SLC35F4: variants seen among roughly 807,000 people sequenced by gnomAD.
The protein encoded by SLC35F4 is chromosome 14 open reading frame 36.
Under a neutral mutation model 44.2 loss-of-function variants are expected in SLC35F4, and 24 were observed. That is an observed-to-expected ratio of 0.54 (90% CI 0.39 to 0.76). The LOEUF (loss-of-function observed/expected upper bound fraction) is 0.76, where lower values mean the gene tolerates loss of function less well. Ranked by LOEUF, SLC35F4 falls within the 30% of genes least tolerant of loss-of-function variation. The pLI, the probability that SLC35F4 is intolerant of heterozygous loss-of-function variation, is 0.00. For synonymous variants in SLC35F4, 238 were observed against 223.6 expected, an observed-to-expected ratio of 1.06 and a Z score of -0.57; for missense variants, 562 against 586.1, an observed-to-expected ratio of 0.96 and a Z score of 0.42.
chr14:57,682,755 G>C (rs1213084022), intron 1 of SLC35F4, among the ~76,000 whole-genome samples: 1 of 152,112 alleles, frequency 6.6e-6, no homozygotes, highest in Non-Finnish European at 1.5e-5. Context: ...GACTGTATGA[G>C]TCTGAATCCT....
chr14:57,915,326 G>A (rs1322743014), intron 1 of SLC35F4, among the ~76,000 whole-genome samples: 2 of 152,148 alleles, frequency 1.3e-5, no homozygotes, highest in Non-Finnish European at 2.9e-5. Flanking sequence ...CTGATGAAGA[G>A]CACCTGGCTA....
At chr14:57,784,354 A>G (rs2077704247) in intron 1 of SLC35F4, among the ~76,000 whole-genome samples, 3 of 152,202 alleles carry the variant, frequency 2.0e-5, no homozygotes, top group Admixed American at 6.5e-5. Flanking sequence ...CACTGAAACT[A>G]AATTAGATGG....
chr14:57,600,458 C>G (rs1404993468), intron 1 of SLC35F4, among the ~76,000 whole-genome samples: 1 of 151,046 alleles, frequency 6.6e-6, no homozygotes, highest in Non-Finnish European at 1.5e-5. Context: ...TTTGGGAGGC[C>G]AAGGTGGGCG....
At chr14:57,660,466 T>C (rs1315115145) in intron 1 of SLC35F4, among the ~76,000 whole-genome samples, 1 of 150,218 alleles carries the variant, frequency 6.7e-6, no homozygotes, top group Non-Finnish European at 1.5e-5. Context: ...CTGTGATCAC[T>C]AGCCACCAAG....
chr14:57,871,122 G>A (rs528155099), intron 1 of SLC35F4, among the ~76,000 whole-genome samples: 1 of 152,342 alleles, frequency 6.6e-6, no homozygotes, highest in African/African-American at 2.4e-5. Flanking sequence ...TGGGAGGCAG[G>A]CCCATTAGCC....
chr14:57,930,685 T>C (rs1416705661), intron 1 of SLC35F4, among the ~76,000 whole-genome samples: 1 of 152,220 alleles, frequency 6.6e-6, no homozygotes, highest in Non-Finnish European at 1.5e-5. Flanking sequence ...TCTGTATGTG[T>C]TGCCTCTCTC....
At chr14:57,734,322 T>C (rs1000656699) in intron 1 of SLC35F4, among the ~76,000 whole-genome samples, 1 of 152,206 alleles carries the variant, frequency 6.6e-6, no homozygotes. Context: ...TAACATAAAA[T>C]GTCTAGCAAT....
At chr14:57,615,635 C>T (rs1398919284) in intron 1 of SLC35F4, among the ~76,000 whole-genome samples, 1 of 150,594 alleles carries the variant, frequency 6.6e-6, no homozygotes, top group Admixed American at 6.6e-5. Context: ...AAAAATACTG[C>T]TCATAATCTT....
chr14:57,925,508 AGGG>A (rs1889544216), intron 1 of SLC35F4, among the ~76,000 whole-genome samples: 2 of 25,284 alleles, frequency 7.9e-5, no homozygotes, highest in Admixed American at 1.0e-3. Context: ...GGAGGGAGGG[AGGG>A]AGGGAGGGAG....
chr14:57,665,594 T>G (rs775395702), intron 1 of SLC35F4, among the ~76,000 whole-genome samples: 4 of 152,126 alleles, frequency 2.6e-5, no homozygotes, highest in African/African-American at 9.7e-5. Context: ...TCTTCAAAGA[T>G]TGTCTACCCT....
At chr14:57,749,477 T>G (rs951200354) in intron 1 of SLC35F4, among the ~76,000 whole-genome samples, 1 of 152,064 alleles carries the variant, frequency 6.6e-6, no homozygotes, top group Non-Finnish European at 1.5e-5. Context: ...CAATACATAC[T>G]GATCATACAC....
intron 1 of SLC35F4, among the ~76,000 whole-genome samples, chr14:57,769,585 A>C (rs1339655907): frequency 1.3e-5 from 2 of 152,232 alleles, no homozygotes; most frequent in Non-Finnish European, 2.9e-5. Flanking sequence ...AGATGAATTC[A>C]TAAATTCTAG....
intron 1 of SLC35F4, among the ~76,000 whole-genome samples, chr14:57,625,583 G>A (rs1399192402): frequency 1.3e-5 from 2 of 152,138 alleles, no homozygotes; most frequent in Non-Finnish European, 2.9e-5. Flanking sequence ...AAACAGCATG[G>A]TACTGGTACC....
intron 1 of SLC35F4, among the ~76,000 whole-genome samples, chr14:57,838,997 G>A (rs930054599): frequency 6.6e-6 from 1 of 152,010 alleles, no homozygotes; most frequent in Non-Finnish European, 1.5e-5. Context: ...TTGCCATACC[G>A]GTACCCATAT....
At chr14:57,891,863 A>C (rs1888775474) in intron 1 of SLC35F4, among the ~76,000 whole-genome samples, 1 of 152,200 alleles carries the variant, frequency 6.6e-6, no homozygotes, top group Admixed American at 6.5e-5. Context: ...TGACAGAGCA[A>C]GAATCCACCT....
At chr14:57,899,763 T>C (rs1055988094) in intron 1 of SLC35F4, among the ~76,000 whole-genome samples, 37 of 152,264 alleles carry the variant, frequency 2.4e-4, no homozygotes, top group Non-Finnish European at 5.1e-4. Context: ...TGGTGGTGTG[T>C]CCAGAGTTGG....
intron 1 of SLC35F4, among the ~76,000 whole-genome samples, chr14:57,707,135 GA>G (rs2075696941): frequency 6.6e-6 from 1 of 152,202 alleles, no homozygotes; most frequent in Non-Finnish European, 1.5e-5. Flanking sequence ...GAATAAAGGA[GA>G]AGGTGTAGTT....
intron 1 of SLC35F4, among the ~76,000 whole-genome samples, chr14:57,624,328 A>T (rs551465565): frequency 2.7e-4 from 41 of 152,350 alleles, no homozygotes; most frequent in African/African-American, 9.9e-4. Context: ...AACCAAAAAA[A>T]GTCCAGGACC....
intron 1 of SLC35F4, among the ~76,000 whole-genome samples, chr14:57,626,525 A>T (rs1477934037): frequency 3.3e-5 from 5 of 152,046 alleles, no homozygotes; most frequent in African/African-American, 9.7e-5. Flanking sequence ...ATACTGTAAA[A>T]CTATATCAAA....
Sources: gnomAD v4.1 joint callset for allele counts (sites outside exome capture counted in the v4.1 genomes callset) on GRCh38, gnomAD v4.1.1 for gene constraint, MANE v1.5 for transcripts, NCBI Gene and HGNC (gene_info 2026-07-23, HGNC 2026-07-21) for gene names.